KRT26: variants seen among roughly 807,000 people sequenced by gnomAD.
KRT26 encodes the protein keratin, type I cytoskeletal 26.
KRT26 carries 45 observed loss-of-function variants against 46.1 expected under a neutral mutation model. The observed-to-expected ratio is 0.98, with a 90% CI of 0.77 to 1.25. KRT26 has a LOEUF of 1.25. KRT26 is among the 50% of genes most tolerant of loss of function. The pLI, the probability that KRT26 is intolerant of heterozygous loss-of-function variation, is 0.00. For missense variants in KRT26, 582 were observed against 560.1 expected, an observed-to-expected ratio of 1.04 and a Z score of -0.39; for synonymous variants, 191 against 209.9, an observed-to-expected ratio of 0.91 and a Z score of 0.78.
Position 40,767,725 on chromosome 17 carries a change from G to T in KRT26, c.1188-72C>A. The T allele has an allele frequency of 3.9e-6, 3 of 770,728 alleles. No homozygotes were observed. The South Asian group carries it at 5.3e-5, about 14-fold the overall frequency. 47.7% of individuals were successfully genotyped at this position (770,728 alleles called of 1,614,324 possible). On this transcript the variant is annotated intron_variant, in intron 6 of 7. Coordinates refer to ENST00000335552, the Ensembl canonical transcript of KRT26. ...TGAGCTTATAAATACCTCTAAATTG[G>T]AAATAAGAGTTTTGGAATTCTAGTT...
At chr17:40,766,597 A>G in exon 8 of KRT26, 1 of 1,613,052 alleles carries the variant, frequency 6.2e-7, no homozygotes, top group Non-Finnish European at 8.5e-7. Context: ...GTGGACTCTC[A>G]GTGAAAGGAG....
At chr17:40,772,135 C>G in exon 1 of KRT26, 1 of 1,606,432 alleles carries the variant, frequency 6.2e-7, no homozygotes, top group Middle Eastern at 1.7e-4. Flanking sequence ...AGCCGGGCAA[C>G]CCCTTCCCAG....
At chr17:40,770,323 G>T in exon 3 of KRT26, 1 of 1,614,136 alleles carries the variant, frequency 6.2e-7, no homozygotes, top group Non-Finnish European at 8.5e-7. Context: ...CAGGTCGGTT[G>T]TACAAAGGGT....
At chr17:40,770,820 G>T (rs893263045) in intron 2 of KRT26, among the ~76,000 whole-genome samples, 5 of 152,288 alleles carry the variant, frequency 3.3e-5, no homozygotes, top group African/African-American at 1.2e-4. Context: ...AAGTAGCTGG[G>T]ATTACAGGAG....
rs2038217420 is a variant in KRT26, at chr17:40,771,018, T to C, written c.524+136A>G. ...TGATAGCTCTTTTTATAACGGCTTA[T>C]TTAATTCAATTTCTTTATTGATCTA... On this transcript the variant is annotated intron_variant, in intron 2 of 7. Transcript: ENST00000335552. The C allele has an allele frequency of 5.8e-6, 3 of 518,210 alleles. No homozygotes were observed. In the Admixed American group the frequency reaches 1.1e-4, roughly 18 times the overall value. The allele number at this position is 518,210 out of a possible 1,614,324, so 32.1% of individuals were successfully genotyped here. A position where few individuals can be genotyped will look rare whatever the true frequency, so the allele number is the denominator to read the frequency against.
At chr17:40,767,226 T>C (rs1027993080) in intron 7 of KRT26, among the ~76,000 whole-genome samples, 1 of 152,222 alleles carries the variant, frequency 6.6e-6, no homozygotes, top group Non-Finnish European at 1.5e-5. Flanking sequence ...TATCAGGCAG[T>C]AAAGGCTGGC....
At chr17:40,768,057 A>G (rs2038185438) in intron 6 of KRT26, among the ~76,000 whole-genome samples, 1 of 152,216 alleles carries the variant, frequency 6.6e-6, no homozygotes, top group Non-Finnish European at 1.5e-5. Flanking sequence ...CTATAACATG[A>G]AAAGTGCTGT....
At chr17:40,772,005 A>T in exon 1 of KRT26, 2 of 1,614,056 alleles carry the variant, frequency 1.2e-6, no homozygotes, top group Non-Finnish European at 1.7e-6. Context: ...CTTGCTCCCG[A>T]TCCAACACAC....
chr17:40,768,882 T>C, exon 6 of KRT26: 1 of 1,531,456 alleles, frequency 6.5e-7, no homozygotes. Context: ...TCTTTACCTT[T>C]CTTCTCCATC....
chr17:40,768,239 A>G (rs575399119), intron 6 of KRT26, among the ~76,000 whole-genome samples: 61 of 152,228 alleles, frequency 4.0e-4, no homozygotes, highest in Non-Finnish European at 8.5e-4. Context: ...GGCAGTGATT[A>G]CCAAATACCT....
At position 40,769,667 on chromosome 17, in the gene KRT26, C is replaced by T. The variant is rs75431392; in HGVS notation, c.969+87G>A. 1.3e-3 allele frequency: 1,803 copies of T among 1,345,826 alleles called. 24 individuals are homozygous for T. The African/African-American group carries it at 0.023, about 18-fold the overall frequency. 83.4% of individuals were successfully genotyped at this position (1,345,826 alleles called of 1,614,324 possible). On this transcript the variant is annotated intron_variant, in intron 5 of 7. Coordinates refer to ENST00000335552, the Ensembl canonical transcript of KRT26. ...TTTTAGTCATATGTAAATGGTTATA[C>T]GTACTTGGTGTTATATGTATTTTTA... is the stretch of plus-strand genomic sequence containing the variant.
rs369218769 is a variant in KRT26 at position 40,771,240 on chromosome 17, A to C, written c.442-4T>G. ...TGCAGATGGTCGCAGAAATAATCTA[A>C]ATAGGGAAGATTGTGAAAAATGTTA... is the stretch of plus-strand genomic sequence containing the variant. On this transcript the variant is annotated splice_polypyrimidine_tract_variant and splice_region_variant and intron_variant, in intron 1 of 7. Coordinates refer to ENST00000335552, the Ensembl canonical transcript of KRT26. The C allele has an allele frequency of 3.2e-6, 5 of 1,550,518 alleles. No homozygotes were observed. The highest frequency in any genetic ancestry group is 1.4e-5 in the African/African-American group (1 of 73,614).
At chr17:40,771,190 T>C (rs995494884) in exon 2 of KRT26, 1 of 1,608,814 alleles carries the variant, frequency 6.2e-7, no homozygotes, top group Non-Finnish European at 8.5e-7. Context: ...TCTGGCATTG[T>C]CATTTTGTAG....
chr17:40,770,202 T>C (rs1196339983), intron 3 of KRT26, 51 bp downstream of exon 3: 5 of 1,613,390 alleles, frequency 3.1e-6, no homozygotes, highest in Non-Finnish European at 3.4e-6. Context: ...AACAGTGGAC[T>C]TCAAGAAGGA....
chr17:40,770,454 T>C (rs746137542), intron 2 of KRT26, 45 bp from the exon 3 acceptor site: 2 of 1,489,112 alleles, frequency 1.3e-6, no homozygotes, highest in Non-Finnish European at 1.8e-6. Context: ...CGTAGGCAGG[T>C]GCAAAGCACA....
chr17:40,771,968 C>T (rs2038225897), exon 1 of KRT26: 1 of 1,614,178 alleles, frequency 6.2e-7, no homozygotes, highest in Non-Finnish European at 8.5e-7. Context: ...AGAAGAGATG[C>T]CCTCAAGAGT....
At chr17:40,772,031 A>G in exon 1 of KRT26, 1 of 1,614,142 alleles carries the variant, frequency 6.2e-7, no homozygotes, top group African/African-American at 1.3e-5. Flanking sequence ...CCCAGCCACG[A>G]AGCCTGTTCC....
In KRT26 at chr17:40,767,635, A is replaced by T. The variant is rs1340100859; in HGVS notation, c.1206T>A (p.Cys402Ter). Residue 402 changes from cysteine to a stop codon, truncating the protein, a stop_gained, in exon 7 of 8, where the codon TGT becomes TGA. Coordinates refer to ENST00000335552, the Ensembl canonical transcript of KRT26. LOFTEE classifies it low-confidence loss of function (END_TRUNC). ...CAGGCCTGTATCCTTTTGATTTGTA[A>T]CATGTGGATTTGCTTTTTCTGTGAA... 3.7e-6 allele frequency: 6 copies of T among 1,606,786 alleles called. No homozygotes were observed. The African/African-American group carries it at 8.0e-5, about 22-fold the overall frequency.
chr17:40,768,262 C>T (rs529828456), intron 6 of KRT26, among the ~76,000 whole-genome samples: 1 of 152,296 alleles, frequency 6.6e-6, no homozygotes, highest in Non-Finnish European at 1.5e-5. Context: ...TCTGTGTATG[C>T]CACTGTCATG....
Sources: gnomAD v4.1 joint callset for allele counts (sites outside exome capture counted in the v4.1 genomes callset) on GRCh38, gnomAD v4.1.1 for gene constraint, MANE v1.5 for transcripts, NCBI Gene and HGNC (gene_info 2026-07-23, HGNC 2026-07-21) for gene names.